Variants in FLRT1 observed in about 807,000 individuals in gnomAD.
FLRT1 encodes fibronectin leucine rich transmembrane protein 1.
FLRT1 carries 14 observed loss-of-function variants against 30.9 expected under a neutral mutation model. The ratio of observed to expected loss-of-function variants is 0.45; its 90% CI spans 0.30 to 0.71. The LOEUF is 0.71. Among genes scored for constraint, FLRT1 ranks in the 30% least tolerant of loss-of-function variants. The pLI is 0.08. For synonymous variants in FLRT1, 368 were observed against 430.4 expected (o/e 0.85, Z 1.80); for missense variants, 737 against 949.2 (o/e 0.78, Z 2.94).
intron 1 of FLRT1, among the ~76,000 whole-genome samples, chr11:64,037,018 C>T (rs559473109): frequency 6.6e-5 from 10 of 152,322 alleles, no homozygotes; most frequent in Middle Eastern, 3.4e-3. Context: ...CCGGTGGCCC[C>T]GGGAGGTCTT....
At chr11:64,108,764 A>C (rs1253956894) in intron 2 of FLRT1, among the ~76,000 whole-genome samples, 4 of 152,192 alleles carry the variant, frequency 2.6e-5, no homozygotes, top group Non-Finnish European at 4.4e-5. Flanking sequence ...AGACACATGA[A>C]TTATTGCTGA....
chr11:64,108,326 A>G (rs1354902413), intron 2 of FLRT1, among the ~76,000 whole-genome samples: 2 of 151,928 alleles, frequency 1.3e-5, no homozygotes, highest in East Asian at 3.9e-4. Context: ...AAAAAAAAAA[A>G]AAAGACTTGA....
intron 1 of FLRT1, among the ~76,000 whole-genome samples, chr11:64,095,716 T>C (rs1370311483): frequency 1.3e-5 from 2 of 152,226 alleles, no homozygotes; most frequent in East Asian, 3.8e-4. Flanking sequence ...GGTTTCTAGA[T>C]GCAGCAGGCG....
chr11:64,039,125 A>G (rs1189964669), intron 1 of FLRT1, among the ~76,000 whole-genome samples: 1 of 152,154 alleles, frequency 6.6e-6, no homozygotes, highest in Non-Finnish European at 1.5e-5. Context: ...TACCTGGCCC[A>G]AGGGGCAGTG....
intron 1 of FLRT1, among the ~76,000 whole-genome samples, chr11:64,053,195 G>A (rs566909840): frequency 4.1e-4 from 63 of 152,316 alleles, no homozygotes; most frequent in Admixed American, 9.8e-4. Flanking sequence ...TGGGGTGGGC[G>A]TGCTGGGGAG....
At chr11:64,097,550 C>T (rs1171942348) in intron 1 of FLRT1, among the ~76,000 whole-genome samples, 1 of 152,242 alleles carries the variant, frequency 6.6e-6, no homozygotes, top group Non-Finnish European at 1.5e-5. Context: ...GGCACAGACT[C>T]CTGAAGCCAC....
In FLRT1 at chr11:64,064,474, G is replaced by A. The variant is rs573460418; in HGVS notation, c.-1038+28315G>A. 6.6e-6 allele frequency among the ~76,000 whole-genome samples: 1 copy of A among 152,268 alleles called. No homozygotes were observed. The highest frequency in any genetic ancestry group is 1.9e-4 in the East Asian group (1 of 5,184). On this transcript the variant is annotated intron_variant, in intron 1 of 2. Transcript: ENST00000682287. This position sits in a 1 kb window ranked among gnomAD's most constrained non-coding sequence, Gnocchi z 4.5. ...CTGTTTTCTCTTGGCCAAAGAACCG[G>A]AGGCCTCAGGCCTGCCCCGGATGGG...
Position 64,043,168 on chromosome 11 carries a change from A to G in FLRT1, c.-1038+7009A>G, listed in dbSNP as rs1323677373. Among the ~76,000 whole-genome samples, 2 of 149,238 alleles carry G rather than the reference A, an allele frequency of 1.3e-5. 1 individual carries two copies. Among genetic ancestry groups the G allele is most frequent in the Non-Finnish European group, 2.9e-5 (2 of 68,026 alleles). On this transcript the variant is annotated intron_variant, in intron 1 of 2. Transcript: ENST00000682287. ...TACGTGCTGACATCCCAGGGTTAGC[A>G]TGAAGACTCCATGTGACTGTGTCCA...
chr11:64,089,031 A>G (rs894694813), intron 1 of FLRT1, among the ~76,000 whole-genome samples: 1 of 152,114 alleles, frequency 6.6e-6, no homozygotes, highest in Non-Finnish European at 1.5e-5. Flanking sequence ...CTGACAAGAG[A>G]GGGAAGCCTC....
intron 1 of FLRT1, among the ~76,000 whole-genome samples, chr11:64,049,843 G>A (rs1265677822): frequency 6.6e-6 from 1 of 152,164 alleles, no homozygotes; most frequent in Non-Finnish European, 1.5e-5. Flanking sequence ...CTGGGGCCTG[G>A]CTGAGCTGTG....
chr11:64,040,970 C>T (rs141894304), intron 1 of FLRT1, among the ~76,000 whole-genome samples: 133 of 152,058 alleles, frequency 8.7e-4, no homozygotes, highest in Non-Finnish European at 1.4e-3. Context: ...CATGGGCAGA[C>T]GGGGTCTATT....
At chr11:64,058,012 GCCA>G (rs1333283946) in intron 1 of FLRT1, among the ~76,000 whole-genome samples, 2 of 152,340 alleles carry the variant, frequency 1.3e-5, no homozygotes, top group Admixed American at 1.3e-4. Context: ...CAGCTGGCCT[GCCA>G]CCATCTGTGA....
At chr11:64,039,332 G>A (rs997206498) in intron 1 of FLRT1, among the ~76,000 whole-genome samples, 1 of 152,154 alleles carries the variant, frequency 6.6e-6, no homozygotes, top group Admixed American at 6.5e-5. Flanking sequence ...GCAGAGGAGA[G>A]CGCCAGCCTC....
At position 64,090,014 on chromosome 11, in the gene FLRT1, C is replaced by A. The variant is rs1485281763; in HGVS notation, c.-1037-13180C>A. ...AGCACTTATGACAAGGCCCTCCATCCAAGTAACAAACAAAAGGGAAACACA... is the reference window on the plus strand; with the variant it reads ...AGCACTTATGACAAGGCCCTCCATCAAAGTAACAAACAAAAGGGAAACACA... On this transcript the variant is annotated intron_variant, in intron 1 of 2. Transcript: ENST00000682287. The surrounding 1 kb of genome is among the most constrained non-coding windows in gnomAD (Gnocchi z 4.7). Among the ~76,000 whole-genome samples the A allele has an allele frequency of 3.3e-5, 5 of 152,134 alleles. No homozygotes were observed. The East Asian group carries it at 7.7e-4, about 23-fold the overall frequency.
chr11:64,057,880 G>T (rs139715045), intron 1 of FLRT1, among the ~76,000 whole-genome samples: 13 of 152,326 alleles, frequency 8.5e-5, no homozygotes, highest in Non-Finnish European at 1.3e-4. Context: ...AATTCGTGAG[G>T]TCACAGGATT....
At chr11:64,037,295 G>C (rs1486337508) in intron 1 of FLRT1, among the ~76,000 whole-genome samples, 1 of 152,156 alleles carries the variant, frequency 6.6e-6, no homozygotes, top group East Asian at 1.9e-4. Context: ...TGCCACTGTG[G>C]AGGGAGGTGG....
intron 2 of FLRT1, among the ~76,000 whole-genome samples, chr11:64,112,104 A>G (rs1944873190): frequency 6.6e-6 from 1 of 152,244 alleles, no homozygotes; most frequent in African/African-American, 2.4e-5. Context: ...GAACGAGTCC[A>G]TCACAGTTTC....
In FLRT1 at chr11:64,067,256, C is replaced by T. The variant is rs569421450; in HGVS notation, c.-1038+31097C>T. On this transcript the variant is annotated intron_variant, in intron 1 of 2. Coordinates refer to ENST00000682287, the MANE Select transcript of FLRT1 (RefSeq NM_013280.5). This position sits in a 1 kb window ranked among gnomAD's most constrained non-coding sequence, Gnocchi z 4.6. ...TGCATGGCACCCACTCCCACCTGTG[C>T]GGCACGAGAGGGAGGGAAGGAGCAT... 3.3e-5 allele frequency among the ~76,000 whole-genome samples: 5 copies of T among 152,028 alleles called. No individual in the cohort carries two copies. Among genetic ancestry groups the T allele is most frequent in the African/African-American group, 9.7e-5 (4 of 41,368 alleles).
At position 64,118,306 on chromosome 11, in the gene FLRT1, G is replaced by T. The variant is rs369302404; in HGVS notation, c.*14G>T. 1 of 1,537,374 alleles carries T rather than the reference G, an allele frequency of 6.5e-7. No individual in the cohort carries two copies. Among genetic ancestry groups the T allele is most frequent in the African/African-American group, 1.4e-5 (1 of 73,684 alleles). Reference sequence around the variant, plus strand: ...TCCTACACATGATGCCCGCCCACCCGGGCTGCCCCGCCTCAGCCCCAGCTG... The same window carrying T: ...TCCTACACATGATGCCCGCCCACCCTGGCTGCCCCGCCTCAGCCCCAGCTG... On this transcript the variant is annotated 3_prime_UTR_variant, in exon 3 of 3. Transcript: ENST00000682287.
Sources: gnomAD v4.1 joint callset for allele counts (sites outside exome capture counted in the v4.1 genomes callset) on GRCh38, gnomAD v4.1.1 for gene constraint, Gnocchi (gnomAD v3.1) non-coding constraint, MANE v1.5 for transcripts, NCBI Gene and HGNC (gene_info 2026-07-23, HGNC 2026-07-21) for gene names.